The following SFMBT2 variants were observed in gnomAD, a reference collection of about 807,000 sequenced individuals.
The protein encoded by SFMBT2 is scm-like with four MBT domains protein 2.
A neutral mutation model predicts 110.1 loss-of-function variants in SFMBT2; 38 were observed. That is an observed-to-expected ratio of 0.35 (90% confidence interval 0.27 to 0.45). SFMBT2 has a LOEUF of 0.45. SFMBT2 is among the 20% of genes least tolerant of loss of function. SFMBT2 has a pLI of 1.00. For missense variants in SFMBT2, 1,011 were observed against 1,094.9 expected (o/e 0.92, Z 1.08); for synonymous variants, 425 against 425.4 (o/e 1.00, Z 0.01).
At chr10:7,255,813 C>A (rs959750740) in intron 7 of SFMBT2, among the ~76,000 whole-genome samples, 1 of 152,186 alleles carries the variant, frequency 6.6e-6, no homozygotes, top group East Asian at 1.9e-4. Flanking sequence ...AACTGGAATC[C>A]CAACTCTGAA....
At chr10:7,320,047 A>G (rs1040886938) in intron 4 of SFMBT2, among the ~76,000 whole-genome samples, 3 of 151,756 alleles carry the variant, frequency 2.0e-5, no homozygotes, top group Admixed American at 1.3e-4. Context: ...AGAGACAAAG[A>G]CAGACAGAGA....
At chr10:7,374,684 G>A (rs1293313411) in intron 2 of SFMBT2, among the ~76,000 whole-genome samples, 2 of 152,058 alleles carry the variant, frequency 1.3e-5, no homozygotes, top group African/African-American at 4.8e-5. Context: ...CTCTCTGCTG[G>A]TCTAAAGAAA....
intron 4 of SFMBT2, among the ~76,000 whole-genome samples, chr10:7,349,446 T>TTC (rs1416987296): frequency 2.4e-4 from 28 of 116,712 alleles, no homozygotes; most frequent in African/African-American, 8.3e-4. Flanking sequence ...TTTTCTTTTT[T>TTC]TTTTTTTTTT....
intron 6 of SFMBT2, among the ~76,000 whole-genome samples, chr10:7,280,398 G>C (rs966879158): frequency 1.3e-5 from 2 of 151,886 alleles, no homozygotes; most frequent in African/African-American, 4.8e-5. Flanking sequence ...TGGGGGGAGG[G>C]GGTGATAAAA....
intron 1 of SFMBT2, among the ~76,000 whole-genome samples, chr10:7,391,125 A>T (rs1192092221): frequency 1.3e-5 from 2 of 151,508 alleles, no homozygotes; most frequent in Non-Finnish European, 2.9e-5. Context: ...CAATCAATCA[A>T]TAAAACTGAA....
At chr10:7,356,816 G>C (rs1012449172) in intron 4 of SFMBT2, among the ~76,000 whole-genome samples, 3 of 152,188 alleles carry the variant, frequency 2.0e-5, no homozygotes, top group African/African-American at 7.2e-5. Flanking sequence ...GGTACCTGTA[G>C]AGTGATATGC....
chr10:7,278,993 C>T (rs149078745), intron 6 of SFMBT2, among the ~76,000 whole-genome samples: 3 of 151,246 alleles, frequency 2.0e-5, no homozygotes, highest in African/African-American at 7.3e-5. Context: ...ACCAGCTACT[C>T]GGGAGGCTGA....
chr10:7,253,377 C>T (rs890657635), intron 7 of SFMBT2, among the ~76,000 whole-genome samples: 1 of 152,102 alleles, frequency 6.6e-6, no homozygotes, highest in Admixed American at 6.5e-5. Context: ...TGGTACCGAG[C>T]CCTTCACTTG....
At chr10:7,204,615 T>C in intron 12 of SFMBT2, 1 of 598,634 alleles carries the variant, frequency 1.7e-6, no homozygotes, top group Non-Finnish European at 2.1e-6. Flanking sequence ...GTGGCCAAAG[T>C]GTAATTCCAG....
chr10:7,364,718 C>A (rs1259128271), intron 4 of SFMBT2, among the ~76,000 whole-genome samples: 1 of 152,210 alleles, frequency 6.6e-6, no homozygotes, highest in Non-Finnish European at 1.5e-5. Context: ...AAGGATGGGG[C>A]CTGAGGCTCC....
intron 1 of SFMBT2, among the ~76,000 whole-genome samples, chr10:7,406,138 A>T (rs766179557): frequency 2.0e-4 from 31 of 151,996 alleles, no homozygotes; most frequent in Non-Finnish European, 4.0e-4. Flanking sequence ...GCACCCATGA[A>T]CCTCAAAAGT....
At chr10:7,330,002 A>G (rs1228148480) in intron 4 of SFMBT2, among the ~76,000 whole-genome samples, 1 of 152,066 alleles carries the variant, frequency 6.6e-6, no homozygotes, top group African/African-American at 2.4e-5. Context: ...GGCCTCAGAA[A>G]CCCCTGAAGA....
Position 7,215,625 on chromosome 10 carries a change from C to T in SFMBT2, c.1330+4786G>A, listed in dbSNP as rs1839509557. 10 of 985,298 alleles carry T rather than the reference C, an allele frequency of 1.0e-5. No individual in the cohort carries two copies. The South Asian group carries it at 4.2e-4, about 42-fold the overall frequency. 61.0% of individuals were successfully genotyped at this position (985,298 alleles called of 1,614,324 possible). ...CTGGGTTCACCTGCATGGCTCACAT[C>T]CATGGAGGCAGGGCCCCGCAGAGGC... On this transcript the variant is annotated intron_variant, in intron 11 of 20. Transcript: ENST00000397167.
chr10:7,248,191 A>G (rs1840677840), intron 8 of SFMBT2, among the ~76,000 whole-genome samples: 1 of 152,194 alleles, frequency 6.6e-6, no homozygotes, highest in African/African-American at 2.4e-5. Context: ...GCTTTGCACC[A>G]TTTTCATGTA....
chr10:7,359,304 G>A (rs1469351225), intron 4 of SFMBT2, among the ~76,000 whole-genome samples: 1 of 152,198 alleles, frequency 6.6e-6, no homozygotes, highest in Non-Finnish European at 1.5e-5. Flanking sequence ...GATCATCTGA[G>A]CTGCATCTGG....
chr10:7,355,076 T>C (rs1238467323), intron 4 of SFMBT2, among the ~76,000 whole-genome samples: 5 of 152,366 alleles, frequency 3.3e-5, no homozygotes, highest in East Asian at 1.9e-4. Flanking sequence ...GATTAAAAGA[T>C]AAAATATCAC....
intron 14 of SFMBT2, chr10:7,198,246 T>C (rs1838839404): frequency 1.6e-6 from 1 of 626,230 alleles, no homozygotes. Context: ...AGTTCATTCA[T>C]TTTTTTACTT....
intron 2 of SFMBT2, among the ~76,000 whole-genome samples, chr10:7,373,481 T>C (rs897422622): frequency 1.3e-5 from 2 of 152,194 alleles, no homozygotes; most frequent in African/African-American, 4.8e-5. Flanking sequence ...ATGATGGATG[T>C]ATACTCACAG....
In SFMBT2 at chr10:7,197,664, A is replaced by G; in HGVS notation, c.1582T>C (p.Cys528Arg). The change falls in exon 15 of 21, where the codon TGT becomes CGT. Residue 528 changes from cysteine to arginine, a missense_variant. Cys to Arg is a radical substitution (Grantham distance 180). This residue lies in a region of SFMBT2 where 979 missense variants were observed against 1,016.1 expected (regional missense o/e 0.96). Transcript: ENST00000397167. ...TTGTVNGKYCCPQLFINHRCF... is the reference protein window; with the variant it reads ...TTGTVNGKYCRPQLFINHRCF... ...CTGTGGTTGATGAAGAGCTGAGGAC[A>G]GCAGTATTTCCCGTTGACGGTTCCT... The G allele has an allele frequency of 2.5e-6, 4 of 1,614,188 alleles. No homozygotes were observed. Among genetic ancestry groups the G allele is most frequent in the Non-Finnish European group, 2.5e-6 (3 of 1,180,022 alleles).
Sources: allele counts gnomAD v4.1 joint callset (sites outside exome capture counted in the v4.1 genomes callset), GRCh38; gene constraint gnomAD v4.1.1; regional missense constraint gnomAD v4.1.1; transcripts MANE v1.5; gene names NCBI Gene and HGNC (gene_info 2026-07-23, HGNC 2026-07-21).